The following MRPS27 variants were observed in gnomAD, a reference collection of about 807,000 sequenced individuals.
MRPS27 encodes small ribosomal subunit protein mS27.
A neutral mutation model predicts 48.9 loss-of-function variants in MRPS27; 43 were observed. The ratio of observed to expected loss-of-function variants is 0.88; its 90% CI spans 0.69 to 1.13. The LOEUF is 1.13. Among genes scored for constraint, MRPS27 ranks in the 50% most tolerant of loss-of-function variants. MRPS27 has a pLI of 0.00. For missense variants in MRPS27, 467 were observed against 476.3 expected (o/e 0.98, Z 0.18); for synonymous variants, 188 against 171.9 (o/e 1.09, Z -0.73).
chr5:72,276,692 C>A (rs1008044807), intron 4 of MRPS27, among the ~76,000 whole-genome samples: 1 of 151,616 alleles, frequency 6.6e-6, no homozygotes, highest in African/African-American at 2.4e-5. Flanking sequence ...TATCCAGAGT[C>A]TGCAAGGAAC....
intron 2 of MRPS27, among the ~76,000 whole-genome samples, chr5:72,302,743 G>A (rs949873138): frequency 7.9e-5 from 12 of 152,192 alleles, no homozygotes; most frequent in African/African-American, 2.9e-4. Flanking sequence ...GTGATGGAGA[G>A]CTTTAGTTTC....
chr5:72,307,048 A>T (rs906369405), intron 2 of MRPS27, among the ~76,000 whole-genome samples: 3 of 152,152 alleles, frequency 2.0e-5, no homozygotes, highest in African/African-American at 7.2e-5. Flanking sequence ...AAAAAAAAAA[A>T]TTTGAGAGTA....
intron 2 of MRPS27, among the ~76,000 whole-genome samples, chr5:72,307,378 A>G (rs915465361): frequency 6.6e-6 from 1 of 152,178 alleles, no homozygotes; most frequent in Non-Finnish European, 1.5e-5. Flanking sequence ...GAAAGAGAGT[A>G]TCAGGGATAT....
chr5:72,259,814 G>A (rs1392912857), intron 4 of MRPS27, among the ~76,000 whole-genome samples: 3 of 152,066 alleles, frequency 2.0e-5, no homozygotes, highest in African/African-American at 7.2e-5. Context: ...GCCAATTTAA[G>A]TTACTACCAC....
intron 4 of MRPS27, among the ~76,000 whole-genome samples, chr5:72,256,916 C>T (rs1050275193): frequency 5.9e-5 from 9 of 152,114 alleles, no homozygotes; most frequent in African/African-American, 1.9e-4. Flanking sequence ...TGCCGTGGTA[C>T]GATCCTGTAC....
At position 72,310,938 on chromosome 5, in the gene MRPS27, C is replaced by T. The variant is rs192905995; in HGVS notation, c.151+3143G>A. On this transcript the variant is annotated intron_variant, in intron 2 of 10. Transcript: ENST00000261413. ...GGGGCACAACATCACTGAGAGTATTCTGGCTGGGGAAGCATAACAATGAGA... is the reference window on the plus strand; with the variant it reads ...GGGGCACAACATCACTGAGAGTATTTTGGCTGGGGAAGCATAACAATGAGA... 3.9e-5 allele frequency among the ~76,000 whole-genome samples: 6 copies of T among 152,264 alleles called. 1 individual carries two copies. Among genetic ancestry groups the T allele is most frequent in the Admixed American group, 3.9e-4 (6 of 15,294 alleles).
At chr5:72,291,338 T>C (rs1179232199) in intron 4 of MRPS27, among the ~76,000 whole-genome samples, 2 of 152,192 alleles carry the variant, frequency 1.3e-5, no homozygotes, top group East Asian at 3.8e-4. Flanking sequence ...CAATTTTTTG[T>C]CTTGAACCCT....
At chr5:72,226,590 A>G (rs773616792) in intron 8 of MRPS27, among the ~76,000 whole-genome samples, 98 of 152,168 alleles carry the variant, frequency 6.4e-4, no homozygotes, top group Admixed American at 1.9e-3. Flanking sequence ...CCCCAGAAAA[A>G]GAAATCTCAC....
At chr5:72,307,843 T>G (rs1750315954) in intron 2 of MRPS27, 1 of 152,238 alleles carries the variant, frequency 6.6e-6, no homozygotes, top group Non-Finnish European at 1.5e-5. Context: ...TTGCACACTT[T>G]TCAGTATGTA....
At chr5:72,295,458 C>A (rs1289557078) in intron 4 of MRPS27, 73 bp downstream of exon 4, 3 of 1,135,756 alleles carry the variant, frequency 2.6e-6, no homozygotes, top group South Asian at 1.3e-5. Flanking sequence ...TTATACACAA[C>A]ATATACCAAC....
At chr5:72,254,412 A>G (rs552773085) in intron 4 of MRPS27, among the ~76,000 whole-genome samples, 7 of 152,334 alleles carry the variant, frequency 4.6e-5, no homozygotes, top group African/African-American at 1.7e-4. Flanking sequence ...GGAAGAAAAA[A>G]GAGACCAAGG....
intron 2 of MRPS27, among the ~76,000 whole-genome samples, chr5:72,305,607 T>C (rs1355297195): frequency 6.6e-6 from 1 of 152,228 alleles, no homozygotes; most frequent in African/African-American, 2.4e-5. Flanking sequence ...TGTCCTATAC[T>C]TTGTGATGTG....
Position 72,288,565 on chromosome 5 carries a change from C to CAG in MRPS27, c.281+6965_281+6966insCT, listed in dbSNP as rs1749735246. Among the ~76,000 whole-genome samples, 8 of 152,328 alleles carry CAG rather than the reference C, an allele frequency of 5.3e-5. No individual in the cohort carries two copies. The South Asian group carries it at 1.4e-3, about 28-fold the overall frequency. ...AAAGCTCCCATGATCTCTGGCAATGCATGCACTATGACCAACGATCTGCTA... is the reference window on the plus strand; with the variant it reads ...AAAGCTCCCATGATCTCTGGCAATGCAGATGCACTATGACCAACGATCTGCTA... On this transcript the variant is annotated intron_variant, in intron 4 of 10. Transcript: ENST00000261413.
intron 4 of MRPS27, among the ~76,000 whole-genome samples, chr5:72,251,807 AAAGGAAAAC>A (rs1748673283): frequency 6.6e-6 from 1 of 152,236 alleles, no homozygotes; most frequent in African/African-American, 2.4e-5. Context: ...GCTGGGAAAT[AAAGGAAAAC>A]ACCAACTAAA....
chr5:72,256,337 T>C (rs1422444633), intron 4 of MRPS27, among the ~76,000 whole-genome samples: 2 of 152,190 alleles, frequency 1.3e-5, no homozygotes, highest in African/African-American at 4.8e-5. Flanking sequence ...TTTTAAATAC[T>C]TATATGTATT....
chr5:72,296,628 G>A (rs1000893065), intron 3 of MRPS27, among the ~76,000 whole-genome samples: 2 of 152,126 alleles, frequency 1.3e-5, no homozygotes, highest in African/African-American at 4.8e-5. Flanking sequence ...TGTAAGGGAC[G>A]AAAAATGGCC....
At chr5:72,224,141 T>C (rs987836220) in intron 9 of MRPS27, among the ~76,000 whole-genome samples, 6 of 151,568 alleles carry the variant, frequency 4.0e-5, no homozygotes, top group African/African-American at 1.5e-4. Context: ...TGTGGAAGAA[T>C]TGCTTGAGCC....
intron 4 of MRPS27, among the ~76,000 whole-genome samples, chr5:72,269,363 G>A (rs1294005152): frequency 1.3e-5 from 2 of 152,158 alleles, no homozygotes; most frequent in Admixed American, 6.5e-5. Context: ...CTGGAGAAAG[G>A]GAGGAGGAAA....
Position 72,232,576 on chromosome 5 carries a change from T to A in MRPS27, c.476-18A>T. ...TAAAGCATCTAGCAGAAGATGAAAG[T>A]AAAAAAGAGAGGAAATTAGTTGTAG... On this transcript the variant is annotated intron_variant, in intron 6 of 10. Coordinates refer to ENST00000261413, the MANE Select transcript of MRPS27 (RefSeq NM_015084.3). 1 of 1,546,110 alleles carries A rather than the reference T, an allele frequency of 6.5e-7. No individual in the cohort carries two copies. Among genetic ancestry groups the A allele is most frequent in the African/African-American group, 1.4e-5 (1 of 72,852 alleles).
Sources: allele counts gnomAD v4.1 joint callset (sites outside exome capture counted in the v4.1 genomes callset), GRCh38; gene constraint gnomAD v4.1.1; transcripts MANE v1.5; gene names NCBI Gene and HGNC (gene_info 2026-07-23, HGNC 2026-07-21).